The following NRXN3 variants were observed in gnomAD, a reference collection of about 807,000 sequenced individuals.
The protein encoded by NRXN3 is neurexin III.
Under a neutral mutation model 137.6 loss-of-function variants are expected in NRXN3, and 32 were observed. The observed-to-expected ratio is 0.23, with a 90% CI of 0.18 to 0.31. The LOEUF (loss-of-function observed/expected upper bound fraction) is 0.31, where lower values mean the gene tolerates loss of function less well. Among genes scored for constraint, NRXN3 ranks in the 10% least tolerant of loss-of-function variants. The pLI is 1.00. For missense variants in NRXN3, 1,574 were observed against 2,062.5 expected, an observed-to-expected ratio of 0.76 and a Z score of 4.59; for synonymous variants, 798 against 784.5, an observed-to-expected ratio of 1.02 and a Z score of -0.29.
chr14:79,230,917 T>C (rs1303015934), intron 15 of NRXN3, among the ~76,000 whole-genome samples: 1 of 152,136 alleles, frequency 6.6e-6, no homozygotes, highest in African/African-American at 2.4e-5. Context: ...TTTTACCCTT[T>C]TCTTAGCATA....
At chr14:78,945,278 T>A (rs964932936) in intron 10 of NRXN3, among the ~76,000 whole-genome samples, 1 of 152,226 alleles carries the variant, frequency 6.6e-6, no homozygotes, top group Non-Finnish European at 1.5e-5. Flanking sequence ...ATATTTAAAT[T>A]TCTTTTAATC....
At chr14:79,142,873 T>C (rs2058935541) in intron 15 of NRXN3, among the ~76,000 whole-genome samples, 1 of 152,130 alleles carries the variant, frequency 6.6e-6, no homozygotes, top group Non-Finnish European at 1.5e-5. Flanking sequence ...GGATGAAATA[T>C]ACAGAATAAG....
intron 10 of NRXN3, among the ~76,000 whole-genome samples, chr14:78,906,376 CT>C (rs2099216637): frequency 6.6e-6 from 1 of 152,088 alleles, no homozygotes; most frequent in African/African-American, 2.4e-5. Context: ...TCTGTTATTT[CT>C]TCTACCCAGA....
At chr14:78,220,793 G>A (rs1269512714) in intron 1 of NRXN3, among the ~76,000 whole-genome samples, 1 of 152,064 alleles carries the variant, frequency 6.6e-6, no homozygotes, top group African/African-American at 2.4e-5. Context: ...CATTGAGAAG[G>A]GAAGTAGGGA....
intron 16 of NRXN3, among the ~76,000 whole-genome samples, chr14:79,540,446 T>C (rs2097261834): frequency 6.6e-6 from 1 of 152,142 alleles, no homozygotes; most frequent in South Asian, 2.1e-4. Context: ...AAATCTTCTC[T>C]TCTAGCTATT....
chr14:78,530,750 A>G (rs1384476480), intron 4 of NRXN3, among the ~76,000 whole-genome samples: 2 of 152,216 alleles, frequency 1.3e-5, no homozygotes, highest in Non-Finnish European at 2.9e-5. Flanking sequence ...ATACACATTC[A>G]TGGGGATGAA....
intron 20 of NRXN3, among the ~76,000 whole-genome samples, chr14:79,845,579 C>G (rs1028807303): frequency 1.2e-5 from 1 of 81,424 alleles, no homozygotes; most frequent in Non-Finnish European, 2.5e-5. Context: ...AGAGACCGAC[C>G]CAGAGAGACA....
At chr14:78,695,720 C>CA (rs1004144249) in intron 6 of NRXN3, 13 of 152,010 alleles carry the variant, frequency 8.6e-5, no homozygotes, top group African/African-American at 2.7e-4. Flanking sequence ...AAAGTGTGCA[C>CA]AGTTGGCTTG....
chr14:78,830,580 A>G (rs2098978864), intron 10 of NRXN3, among the ~76,000 whole-genome samples: 3 of 151,998 alleles, frequency 2.0e-5, no homozygotes, highest in African/African-American at 7.2e-5. Flanking sequence ...TTAAATCAGG[A>G]TTAGTATACT....
intron 16 of NRXN3, among the ~76,000 whole-genome samples, chr14:79,486,160 G>A (rs2096653949): frequency 6.6e-6 from 1 of 152,096 alleles, no homozygotes; most frequent in Admixed American, 6.5e-5. Flanking sequence ...CTCTAGTCCA[G>A]GTCATTCTGC....
chr14:79,174,304 G>A (rs1220378099), intron 15 of NRXN3, among the ~76,000 whole-genome samples: 2 of 152,016 alleles, frequency 1.3e-5, no homozygotes, highest in African/African-American at 4.8e-5. Context: ...TTAAACCAAT[G>A]AAAAGATGCC....
At chr14:79,053,373 CAGGT>C (rs1314148361) in intron 15 of NRXN3, among the ~76,000 whole-genome samples, 1 of 152,092 alleles carries the variant, frequency 6.6e-6, no homozygotes, top group African/African-American at 2.4e-5. Context: ...TAGGGTCACA[CAGGT>C]AGGAAGTGAC....
intron 20 of NRXN3, among the ~76,000 whole-genome samples, chr14:79,808,252 A>AT (rs1568322054): frequency 2.2e-3 from 283 of 131,606 alleles, no homozygotes; most frequent in Middle Eastern, 7.4e-3. Flanking sequence ...AAAAAAAAAA[A>AT]AAAATATATA....
chr14:79,009,939 C>A (rs2099568302), intron 15 of NRXN3, among the ~76,000 whole-genome samples: 2 of 152,236 alleles, frequency 1.3e-5, no homozygotes, highest in East Asian at 1.9e-4. Context: ...GTGTTGTCAC[C>A]TTTTCTTTTG....
intron 6 of NRXN3, among the ~76,000 whole-genome samples, chr14:78,673,409 G>A (rs796483006): frequency 6.6e-5 from 10 of 152,344 alleles, no homozygotes; most frequent in African/African-American, 2.4e-4. Context: ...ATTGATGCCA[G>A]CGGTGTCATC....
intron 10 of NRXN3, among the ~76,000 whole-genome samples, chr14:78,951,175 CCATTATTT>C (rs1454837188): frequency 6.6e-6 from 1 of 152,150 alleles, no homozygotes; most frequent in African/African-American, 2.4e-5. Context: ...GATCTTGTTT[CCATTATTT>C]CACTTTTGGT....
At chr14:79,617,223 G>A (rs554581491) in intron 16 of NRXN3, among the ~76,000 whole-genome samples, 49 of 152,226 alleles carry the variant, frequency 3.2e-4, no homozygotes, top group Admixed American at 2.0e-3. Context: ...TATAAAGAGC[G>A]TTTGTTGCCT....
intron 10 of NRXN3, among the ~76,000 whole-genome samples, chr14:78,937,024 T>C (rs1445854126): frequency 1.3e-5 from 2 of 151,774 alleles, no homozygotes; most frequent in African/African-American, 4.8e-5. Flanking sequence ...AGTTGGAAAC[T>C]AGCCTGGCCA....
chr14:78,391,718 A>G (rs12893958), intron 4 of NRXN3, among the ~76,000 whole-genome samples: 69,986 of 152,002 alleles, frequency 0.46, 16,298 homozygotes, highest in Middle Eastern at 0.6. Flanking sequence ...ATGAAGAGAA[A>G]GAAAACAGAA....
Sources: allele counts gnomAD v4.1 joint callset (sites outside exome capture counted in the v4.1 genomes callset), GRCh38; gene constraint gnomAD v4.1.1; transcripts MANE v1.5; gene names NCBI Gene and HGNC (gene_info 2026-07-23, HGNC 2026-07-21).